The following APBA2 variants were observed in gnomAD, a reference collection of about 807,000 sequenced individuals.
APBA2 encodes amyloid-beta A4 precursor protein-binding family A member 2.
In APBA2, 30 loss-of-function variants were observed where a neutral mutation model predicts 75.0. That is an observed-to-expected ratio of 0.40 (90% CI 0.30 to 0.54). APBA2 has a LOEUF of 0.54. Among genes scored for constraint, APBA2 ranks in the 20% least tolerant of loss-of-function variants. The probability of loss-of-function intolerance (pLI) is 0.49; values close to 1 mark genes in which losing one functional copy is unlikely to be tolerated. For missense variants in APBA2, 801 were observed against 1,016.1 expected (o/e 0.79, Z 2.88); for synonymous variants, 444 against 409.6 (o/e 1.08, Z -1.01).
chr15:29,052,603 G>T (rs1321117073), intron 3 of APBA2, among the ~76,000 whole-genome samples: 1 of 151,992 alleles, frequency 6.6e-6, no homozygotes, highest in African/African-American at 2.4e-5. Context: ...CTGTCCCCAC[G>T]CCAGGCCCAG....
chr15:29,109,964 C>T (rs907313276), intron 13 of APBA2, among the ~76,000 whole-genome samples: 3 of 152,214 alleles, frequency 2.0e-5, no homozygotes, highest in African/African-American at 4.8e-5. Context: ...GTGCGCCTGC[C>T]GCAGGAGCTC....
At position 28,925,059 on chromosome 15, in the gene APBA2, A is replaced by C. The variant is rs115595704; in HGVS notation, c.-95+3310A>C. Among the ~76,000 whole-genome samples the C allele has an allele frequency of 6.6e-3, 1,002 of 152,122 alleles. 10 individuals are homozygous for C. Among genetic ancestry groups the C allele is most frequent in the African/African-American group, 0.022 (901 of 41,478 alleles). ...TCAAGCTGAAGATGGTCTCTGCCTC[A>C]TTTAGTGAGTGGTTTTTAATCAGAA... On this transcript the variant is annotated intron_variant, in intron 2 of 14. Coordinates refer to ENST00000683413, the MANE Select transcript of APBA2 (RefSeq NM_001353788.2).
intron 8 of APBA2, among the ~76,000 whole-genome samples, chr15:29,097,000 G>A (rs1335678444): frequency 6.6e-6 from 1 of 152,204 alleles, no homozygotes; most frequent in Non-Finnish European, 1.5e-5. Context: ...ACAACCATAT[G>A]CCAGACATAC....
chr15:28,914,203 T>C (rs1305751843), intron 1 of APBA2, among the ~76,000 whole-genome samples: 1 of 152,140 alleles, frequency 6.6e-6, no homozygotes, highest in Non-Finnish European at 1.5e-5. Flanking sequence ...AGGGGAGTGG[T>C]CAGGCTCCCC....
chr15:29,061,985 C>A (rs971655306), intron 4 of APBA2, among the ~76,000 whole-genome samples: 1 of 152,158 alleles, frequency 6.6e-6, no homozygotes, highest in Non-Finnish European at 1.5e-5. Flanking sequence ...GGCTTTGGGG[C>A]TTGCACTGCG....
intron 2 of APBA2, among the ~76,000 whole-genome samples, chr15:28,987,701 A>G (rs1466722650): frequency 6.9e-6 from 1 of 144,200 alleles, no homozygotes; most frequent in African/African-American, 2.7e-5. Flanking sequence ...CACTCTTTGA[A>G]GGGAGTGTCA....
intron 2 of APBA2, among the ~76,000 whole-genome samples, chr15:28,969,184 T>TTTC (rs2036928234): frequency 5.2e-5 from 4 of 76,260 alleles, no homozygotes; most frequent in Non-Finnish European, 1.4e-4. Flanking sequence ...TTCTTTCTTT[T>TTTC]TTTTATTTTT....
intron 2 of APBA2, among the ~76,000 whole-genome samples, chr15:28,939,700 G>T (rs1363009798): frequency 2.6e-5 from 4 of 152,218 alleles, no homozygotes; most frequent in Non-Finnish European, 5.9e-5. Context: ...CAAGGCAGTG[G>T]TGCATGCGGT....
chr15:29,114,818 A>T (rs1044894394), intron 14 of APBA2, among the ~76,000 whole-genome samples: 1 of 140,436 alleles, frequency 7.1e-6, no homozygotes, highest in African/African-American at 2.7e-5. Context: ...GTGTATGCGG[A>T]TGTACGTGTG....
chr15:28,887,188 G>A (rs1445632301), intron 1 of APBA2, among the ~76,000 whole-genome samples: 2 of 152,226 alleles, frequency 1.3e-5, no homozygotes, highest in African/African-American at 4.8e-5. Flanking sequence ...CTGTGGTTGA[G>A]TGCAGTCAGC....
At chr15:28,949,695 C>A (rs1400516850) in intron 2 of APBA2, among the ~76,000 whole-genome samples, 1 of 152,146 alleles carries the variant, frequency 6.6e-6, no homozygotes, top group African/African-American at 2.4e-5. Flanking sequence ...TCTCGAACTC[C>A]TGGGCTCAAG....
At position 29,093,068 on chromosome 15, in the gene APBA2, C is replaced by A; in HGVS notation, c.1070-7C>A. On this transcript the variant is annotated splice_polypyrimidine_tract_variant and splice_region_variant and intron_variant, in intron 6 of 14. Transcript: ENST00000683413. ...TAGGAAGACTCTGACTCTGTGCCCTCCTTCAGTTCCAGGGCCCTGCGAACC... is the reference window on the plus strand; with the variant it reads ...TAGGAAGACTCTGACTCTGTGCCCTACTTCAGTTCCAGGGCCCTGCGAACC... 1 of 1,614,224 alleles carries A rather than the reference C, an allele frequency of 6.2e-7. No homozygotes were observed. The highest frequency in any genetic ancestry group is 8.5e-7 in the Non-Finnish European group (1 of 1,180,050).
intron 2 of APBA2, among the ~76,000 whole-genome samples, chr15:28,948,458 T>C (rs2035668650): frequency 1.3e-5 from 2 of 152,050 alleles, no homozygotes; most frequent in African/African-American, 4.8e-5. Context: ...TGGACTGACA[T>C]GTTAGCTCTC....
chr15:29,104,480 CCT>C (rs774754980), intron 10 of APBA2, among the ~76,000 whole-genome samples: 4 of 152,258 alleles, frequency 2.6e-5, no homozygotes, highest in Non-Finnish European at 4.4e-5. Flanking sequence ...CCGGCCAGGC[CCT>C]GAGTGCTGTT....
intron 2 of APBA2, among the ~76,000 whole-genome samples, chr15:28,975,658 A>G (rs1446174190): frequency 6.6e-6 from 1 of 152,240 alleles, no homozygotes; most frequent in Non-Finnish European, 1.5e-5. Flanking sequence ...GGAAAAAAAC[A>G]AAACAAAACT....
intron 2 of APBA2, among the ~76,000 whole-genome samples, chr15:28,939,126 CTG>C (rs2035042490): frequency 6.6e-6 from 1 of 152,170 alleles, no homozygotes; most frequent in East Asian, 1.9e-4. Context: ...TCTTTTGTGA[CTG>C]TCTTATTTCA....
intron 3 of APBA2, among the ~76,000 whole-genome samples, chr15:29,050,474 ATTG>A (rs779706164): frequency 3.9e-4 from 60 of 152,320 alleles, no homozygotes; most frequent in Middle Eastern, 3.4e-3. Context: ...TCCAAATTAT[ATTG>A]TTGTCGTAGT....
At chr15:29,028,053 C>T (rs141226130) in intron 3 of APBA2, among the ~76,000 whole-genome samples, 11 of 151,532 alleles carry the variant, frequency 7.3e-5, no homozygotes, top group African/African-American at 2.2e-4. Context: ...TTTGTTAGGC[C>T]GGTAAACGTG....
chr15:28,992,638 A>C (rs1020471775), intron 2 of APBA2, among the ~76,000 whole-genome samples: 1 of 152,082 alleles, frequency 6.6e-6, no homozygotes, highest in Non-Finnish European at 1.5e-5. Flanking sequence ...TCTGCTGTGG[A>C]TTCTGGGCTA....
Sources: allele counts gnomAD v4.1 joint callset (sites outside exome capture counted in the v4.1 genomes callset), GRCh38; gene constraint gnomAD v4.1.1; transcripts MANE v1.5; gene names NCBI Gene and HGNC (gene_info 2026-07-23, HGNC 2026-07-21).